The following CDC25C variants were observed in gnomAD, a reference collection of about 807,000 sequenced individuals.
CDC25C encodes cell division cycle 25C.
Under a neutral mutation model 52.5 loss-of-function variants are expected in CDC25C, and 48 were observed. The observed-to-expected ratio is 0.91, with a 90% CI of 0.72 to 1.16. The LOEUF (loss-of-function observed/expected upper bound fraction) is 1.16, where lower values mean the gene tolerates loss of function less well. Ranked by LOEUF, CDC25C falls within the 50% of genes most tolerant of loss-of-function variation. The pLI is 0.00. For synonymous variants in CDC25C, 187 were observed against 206.5 expected, an observed-to-expected ratio of 0.91 and a Z score of 0.81; for missense variants, 510 against 566.1, an observed-to-expected ratio of 0.90 and a Z score of 1.01.
intron 8 of CDC25C, among the ~76,000 whole-genome samples, chr5:138,291,554 G>T (rs1237543380): frequency 6.6e-6 from 1 of 151,758 alleles, no homozygotes; most frequent in African/African-American, 2.4e-5. Flanking sequence ...GAGTAGCCGG[G>T]ACTACAGGCA....
intron 7 of CDC25C, among the ~76,000 whole-genome samples, chr5:138,313,780 C>T (rs916511244): frequency 6.6e-6 from 1 of 152,110 alleles, no homozygotes; most frequent in Non-Finnish European, 1.5e-5. Flanking sequence ...ATAGCTTCAA[C>T]TCCTCATTTA....
chr5:138,329,618 G>T lies in CDC25C; in HGVS notation c.224C>A (p.Ser75Ter). ...AGTTATCTCCCCACTGCTAAGATTCGAAAGATCGAGGCAACGTTTTGGGGT... is the reference window on the plus strand; with the variant it reads ...AGTTATCTCCCCACTGCTAAGATTCTAAAGATCGAGGCAACGTTTTGGGGT... The part of the protein sequence containing the change: ...GGTPKRCLDL[S>*]NLSSGEITAT... Residue 75 changes from serine (S) to a stop codon, truncating the protein, a stop_gained, in exon 3 of 14, where the codon TCG (serine) becomes TAG (stop). Transcript: ENST00000323760. LOFTEE classifies it high-confidence loss of function. 1 of 1,612,610 alleles carries T rather than the reference G, an allele frequency of 6.2e-7. No individual in the cohort carries two copies. The highest frequency in any genetic ancestry group is 8.5e-7 in the Non-Finnish European group (1 of 1,179,112).
chr5:138,329,507 TAA>T, intron 3 of CDC25C, 44 bp downstream of exon 3: 1 of 1,196,554 alleles, frequency 8.4e-7, no homozygotes, highest in Non-Finnish European at 1.2e-6. Flanking sequence ...TTTTCTCCCT[TAA>T]AAGTTATTCT....
At chr5:138,338,306 C>A in exon 1 of CDC25C, 1 of 588,544 alleles carries the variant, frequency 1.7e-6, no homozygotes. Context: ...GGAGGAACCG[C>A]GGTAGGTGGT....
At chr5:138,317,524 AC>A (rs1489872248) in intron 7 of CDC25C, among the ~76,000 whole-genome samples, 1 of 151,516 alleles carries the variant, frequency 6.6e-6, no homozygotes, top group Non-Finnish European at 1.5e-5. Flanking sequence ...TACAAAAAAT[AC>A]AAAAAATTAG....
chr5:138,319,139 A>T, intron 7 of CDC25C, 80 bp downstream of exon 7: 1 of 1,270,146 alleles, frequency 7.9e-7, no homozygotes, highest in South Asian at 1.5e-5. Flanking sequence ...AAACTCTCCT[A>T]AGTTTAATTT....
intron 6 of CDC25C, among the ~76,000 whole-genome samples, chr5:138,323,964 A>T (rs1759645592): frequency 1.3e-5 from 2 of 150,714 alleles, no homozygotes; most frequent in South Asian, 4.2e-4. Context: ...TCTCAAAAAA[A>T]AAAAAAAAAC....
chr5:138,308,820 G>A (rs1379367464), intron 7 of CDC25C, among the ~76,000 whole-genome samples: 1 of 152,030 alleles, frequency 6.6e-6, no homozygotes, highest in Non-Finnish European at 1.5e-5. Flanking sequence ...CTAAAAACAG[G>A]CTCTGGGGTC....
intron 6 of CDC25C, among the ~76,000 whole-genome samples, chr5:138,322,989 T>C (rs930316133): frequency 1.9e-4 from 29 of 151,774 alleles, no homozygotes; most frequent in Non-Finnish European, 7.4e-5. Context: ...TTGTCACCTG[T>C]CCATTCACTG....
chr5:138,294,547 C>G (rs1023658953), intron 7 of CDC25C, among the ~76,000 whole-genome samples: 2 of 148,100 alleles, frequency 1.4e-5, no homozygotes, highest in African/African-American at 5.0e-5. Context: ...CTCTGTCACC[C>G]AGGCTGGAGT....
Position 138,285,635 on chromosome 5 carries a change from T to C in CDC25C, c.*57A>G. On this transcript the variant is annotated 3_prime_UTR_variant, in exon 14 of 14. Transcript: ENST00000323760. ...GGCCATCCAGAAGGCCTCTTTCTGC[T>C]CAGGGTTTCTGCAGTGTCTTTTGGT... 1 of 1,553,300 alleles carries C rather than the reference T, an allele frequency of 6.4e-7. No homozygotes were observed. Among genetic ancestry groups the C allele is most frequent in the Non-Finnish European group, 8.8e-7 (1 of 1,135,528 alleles).
chr5:138,326,585 C>T (rs561008200), intron 4 of CDC25C, among the ~76,000 whole-genome samples: 14 of 152,258 alleles, frequency 9.2e-5, no homozygotes, highest in Admixed American at 8.5e-4. Flanking sequence ...TCGTGATCCG[C>T]CCGCCTCAGC....
intron 7 of CDC25C, among the ~76,000 whole-genome samples, chr5:138,301,807 G>A (rs548016350): frequency 2.0e-5 from 3 of 150,510 alleles, no homozygotes; most frequent in Admixed American, 1.3e-4. Flanking sequence ...GGGTTCAAGC[G>A]TTTCTCCTGC....
intron 7 of CDC25C, among the ~76,000 whole-genome samples, chr5:138,298,386 C>T (rs1757372870): frequency 6.6e-6 from 1 of 152,054 alleles, no homozygotes; most frequent in Non-Finnish European, 1.5e-5. Context: ...ACACTCTACC[C>T]AACAACCGTA....
rs191066256 is a variant in CDC25C at position 138,323,008 on chromosome 5, T to G, written c.459+2807A>C. Among the ~76,000 whole-genome samples the G allele has an allele frequency of 5.9e-5, 9 of 151,768 alleles. No homozygotes were observed. In the East Asian group the frequency reaches 1.7e-3, roughly 29 times the overall value. On this transcript the variant is annotated intron_variant, in intron 6 of 13. Coordinates refer to ENST00000323760, the MANE Select transcript of CDC25C (RefSeq NM_001790.5). ...CACCTGTCCATTCACTGCACTGGAG[T>G]GCAGTGGTGTAATCTCAGCTCATTG... is the stretch of plus-strand genomic sequence containing the variant.
In CDC25C at chr5:138,285,695, T is replaced by C. The variant is rs759786606; in HGVS notation, c.1419A>G (p.Pro473=). Residue 473 remains proline, a synonymous_variant, in exon 14 of 14, where the codon CCA becomes CCG. Coordinates refer to ENST00000323760, the MANE Select transcript of CDC25C (RefSeq NM_001790.5). ...GCAGCCAGTGGCTGGAATGTTATCA[T>C]GGGCTCATGTCCTTCACCAGAAGGG... ...QIALLVKDMS[P] The C allele has an allele frequency of 5.6e-6, 9 of 1,613,730 alleles. No homozygotes were observed. The highest frequency in any genetic ancestry group is 1.7e-4 in the Middle Eastern group (1 of 5,922).
intron 6 of CDC25C, among the ~76,000 whole-genome samples, chr5:138,321,524 C>A (rs1759384760): frequency 6.6e-6 from 1 of 151,926 alleles, no homozygotes. Context: ...GAGGCCGAGG[C>A]AGGTGGATCA....
Position 138,325,797 on chromosome 5 carries a change from T to C in CDC25C, c.459+18A>G. 1 of 1,568,514 alleles carries C rather than the reference T, an allele frequency of 6.4e-7. No individual in the cohort carries two copies. Among genetic ancestry groups the C allele is most frequent in the East Asian group, 2.2e-5 (1 of 44,690 alleles). ...AAATAAAACTGCCAATATATCTAGG[T>C]TTCCATTAAACACTCACATTTTCTT... On this transcript the variant is annotated intron_variant, in intron 6 of 13. Coordinates refer to ENST00000323760, the MANE Select transcript of CDC25C (RefSeq NM_001790.5).
At chr5:138,288,298 C>T (rs1335874525) in intron 10 of CDC25C, among the ~76,000 whole-genome samples, 2 of 152,290 alleles carry the variant, frequency 1.3e-5, no homozygotes, top group Admixed American at 1.3e-4. Context: ...TCGTCTCGAA[C>T]TCCCAACCTC....
Sources: allele counts gnomAD v4.1 joint callset (sites outside exome capture counted in the v4.1 genomes callset), GRCh38; gene constraint gnomAD v4.1.1; transcripts MANE v1.5; gene names NCBI Gene and HGNC (gene_info 2026-07-23, HGNC 2026-07-21).